Variants in DYM observed in about 807,000 individuals in gnomAD.
The protein encoded by DYM is dymeclin.
DYM carries 78 observed loss-of-function variants against 93.1 expected under a neutral mutation model. That is an observed-to-expected ratio of 0.84 (90% CI 0.70 to 1.01). DYM has a LOEUF of 1.01. Ranked by LOEUF, DYM falls within the 50% of genes least tolerant of loss-of-function variation. The pLI is 0.00. For missense variants in DYM, 789 were observed against 845.0 expected (o/e 0.93, Z 0.82); for synonymous variants, 321 against 319.7 (o/e 1.00, Z -0.04).
At chr18:49,198,813 G>A (rs1460916606) in intron 14 of DYM, among the ~76,000 whole-genome samples, 116 of 151,594 alleles carry the variant, frequency 7.7e-4, no homozygotes, top group African/African-American at 2.3e-3. Context: ...TGTGGAAGTC[G>A]GTGTGGCGAT....
intron 17 of DYM, among the ~76,000 whole-genome samples, chr18:49,074,155 G>A (rs915323673): frequency 3.9e-5 from 6 of 152,168 alleles, no homozygotes; most frequent in African/African-American, 1.4e-4. Context: ...GTATCCATAG[G>A]TTTCGCATCC....
At chr18:49,319,754 T>C (rs369628925) in intron 8 of DYM, among the ~76,000 whole-genome samples, 2 of 152,214 alleles carry the variant, frequency 1.3e-5, no homozygotes, top group East Asian at 1.9e-4. Flanking sequence ...GAGACCTTTC[T>C]GATGCCAAAA....
chr18:49,447,347 C>T (rs887366275), intron 1 of DYM: 3 of 152,248 alleles, frequency 2.0e-5, no homozygotes, highest in African/African-American at 7.2e-5. Flanking sequence ...CTTTCCACTC[C>T]TTAACCCACC....
At chr18:49,153,957 C>T (rs1287887538) in intron 15 of DYM, among the ~76,000 whole-genome samples, 1 of 152,172 alleles carries the variant, frequency 6.6e-6, no homozygotes, top group African/African-American at 2.4e-5. Context: ...GCATACCTCA[C>T]CTTAGCAAAA....
chr18:49,113,523 T>C (rs561883174), intron 16 of DYM, among the ~76,000 whole-genome samples: 17 of 152,350 alleles, frequency 1.1e-4, no homozygotes, highest in Admixed American at 3.9e-4. Flanking sequence ...TCTTCTGAGA[T>C]ACTGAGTGCT....
chr18:49,410,592 T>G (rs2072126368), intron 2 of DYM, among the ~76,000 whole-genome samples: 1 of 151,404 alleles, frequency 6.6e-6, no homozygotes, highest in Non-Finnish European at 1.5e-5. Flanking sequence ...GATTGGGGGC[T>G]GTTTGTCTAA....
chr18:49,404,819 A>G (rs993773634), intron 2 of DYM, among the ~76,000 whole-genome samples: 8 of 152,076 alleles, frequency 5.3e-5, no homozygotes, highest in Admixed American at 1.3e-4. Flanking sequence ...GGAGTTCGAG[A>G]CCAGCCTGAC....
In DYM at chr18:49,334,812, A is replaced by G. The variant is rs370077109; in HGVS notation, c.495-959T>C. Among the ~76,000 whole-genome samples the G allele has an allele frequency of 1.1e-4, 17 of 152,372 alleles. 1 individual carries two copies. Among genetic ancestry groups the G allele is most frequent in the African/African-American group, 3.8e-4 (16 of 41,584 alleles). On this transcript the variant is annotated intron_variant, in intron 6 of 17. Transcript: ENST00000675505. ...TCTTAAGGAGTTATTACTGATAGAA[A>G]TATGTTTAAAAGGCCAGGCTCAGTG...
At position 49,209,691 on chromosome 18, in the gene DYM, T is replaced by G; in HGVS notation, c.1485A>C (p.Arg495Ser). The G allele has an allele frequency of 7.8e-7, 1 of 1,283,832 alleles. No individual in the cohort carries two copies. The allele number at this position is 1,283,832 out of a possible 1,614,324, so 79.5% of individuals were successfully genotyped here. ...IISYTCRHLR[R>S]YVYVLDKLYF... is the part of the protein sequence containing the mutation. ...ACAGTTTGTCCAACACATAAACATA[T>G]CTCCGCAAGTGGCGGCAGGTATAAC... Residue 495 changes from arginine (R) to serine (S), a missense_variant, in exon 14 of 18, where the codon AGA (arginine) becomes AGC (serine). Physicochemically the swap from Arg to Ser is moderately radical, Grantham distance 110. This residue lies in a region of DYM where 225 missense variants were observed against 303.0 expected (regional missense o/e 0.74). Coordinates refer to ENST00000675505, the MANE Select transcript of DYM (RefSeq NM_001353214.3).
chr18:49,201,256 A>T (rs905627800), intron 14 of DYM, among the ~76,000 whole-genome samples: 1 of 152,212 alleles, frequency 6.6e-6, no homozygotes, highest in African/African-American at 2.4e-5. Flanking sequence ...GTTCCTACTA[A>T]TATTTCATAC....
At chr18:49,230,475 G>A (rs1004279528) in intron 13 of DYM, among the ~76,000 whole-genome samples, 8 of 152,142 alleles carry the variant, frequency 5.3e-5, no homozygotes, top group African/African-American at 1.9e-4. Flanking sequence ...TCAGACATCT[G>A]GGAACAAAAC....
intron 14 of DYM, among the ~76,000 whole-genome samples, chr18:49,188,033 T>C (rs1432423967): frequency 1.3e-5 from 2 of 152,220 alleles, no homozygotes; most frequent in African/African-American, 2.4e-5. Context: ...AATAAGGATA[T>C]ACATTCCCCA....
chr18:49,267,182 C>A (rs2094583865), intron 11 of DYM, among the ~76,000 whole-genome samples: 1 of 142,138 alleles, frequency 7.0e-6, no homozygotes. Context: ...CTAGTACAGA[C>A]ATTAAAAGGT....
At chr18:49,213,239 ATTT>A in intron 13 of DYM, among the ~76,000 whole-genome samples, 1 of 151,378 alleles carries the variant, frequency 6.6e-6, no homozygotes, top group South Asian at 2.1e-4. Flanking sequence ...CTAATAATGT[ATTT>A]TTCAGTACTT....
chr18:49,249,698 GTCA>G (rs2094245664), intron 13 of DYM, among the ~76,000 whole-genome samples: 1 of 151,684 alleles, frequency 6.6e-6, no homozygotes, highest in Non-Finnish European at 1.5e-5. Flanking sequence ...TAAAATATGT[GTCA>G]TCATGAGTGC....
intron 8 of DYM, among the ~76,000 whole-genome samples, chr18:49,287,750 C>G (rs1159991697): frequency 2.1e-5 from 3 of 143,978 alleles, no homozygotes; most frequent in African/African-American, 7.8e-5. Context: ...GAGGCTGAGG[C>G]AGGAGAATTG....
At chr18:49,343,290 T>C (rs1228425342) in intron 6 of DYM, among the ~76,000 whole-genome samples, 1 of 152,168 alleles carries the variant, frequency 6.6e-6, no homozygotes, top group Non-Finnish European at 1.5e-5. Flanking sequence ...ACCCTCCCCA[T>C]CCTTGCTCAT....
chr18:49,399,421 G>T (rs1231904648), intron 2 of DYM, among the ~76,000 whole-genome samples: 1 of 152,178 alleles, frequency 6.6e-6, no homozygotes, highest in East Asian at 1.9e-4. Context: ...AAGTATTCTA[G>T]ACGGCTGGAA....
At chr18:49,051,190 A>C (rs995378452) in intron 17 of DYM, among the ~76,000 whole-genome samples, 5 of 152,150 alleles carry the variant, frequency 3.3e-5, no homozygotes, top group Admixed American at 6.5e-5. Context: ...TCAAGTAATA[A>C]TAATGAGCTT....
Sources: gnomAD v4.1 joint callset for allele counts (sites outside exome capture counted in the v4.1 genomes callset) on GRCh38, gnomAD v4.1.1 for gene constraint, gnomAD v4.1.1 regional missense constraint, MANE v1.5 for transcripts, NCBI Gene and HGNC (gene_info 2026-07-23, HGNC 2026-07-21) for gene names.